RNF217: variants seen among roughly 807,000 people sequenced by gnomAD.
RNF217 encodes ring finger protein 217.
RNF217 carries 31 observed loss-of-function variants against 57.8 expected under a neutral mutation model. The ratio of observed to expected loss-of-function variants is 0.54; its 90% CI spans 0.40 to 0.72. The LOEUF (loss-of-function observed/expected upper bound fraction) is 0.72, where lower values mean the gene tolerates loss of function less well. Among genes scored for constraint, RNF217 ranks in the 30% least tolerant of loss-of-function variants. RNF217 has a pLI of 0.00. For synonymous variants in RNF217, 313 were observed against 294.0 expected (o/e 1.06, Z -0.66); for missense variants, 696 against 708.3 (o/e 0.98, Z 0.20).
intron 2 of RNF217, chr6:125,048,338 T>A: frequency 1.7e-6 from 2 of 1,159,692 alleles, no homozygotes; most frequent in Non-Finnish European, 2.3e-6. Flanking sequence ...TTGGTGTCAT[T>A]TATGGTAACT....
Position 125,045,460 on chromosome 6 carries a change from A to G in RNF217, c.1116+16A>G, listed in dbSNP as rs377368734. The G allele has an allele frequency of 6.3e-7, 1 of 1,595,592 alleles. No individual in the cohort carries two copies. Among genetic ancestry groups the G allele is most frequent in the African/African-American group, 1.3e-5 (1 of 74,364 alleles). On this transcript the variant is annotated intron_variant, in intron 2 of 5. Coordinates refer to ENST00000521654, the MANE Select transcript of RNF217 (RefSeq NM_001286398.3). ...CAAATACAAAGTAAGCATTTTCACC[A>G]GAGCTGTGGGTTAGATGTCACATGG...
chr6:124,984,439 C>T (rs1784296677), intron 1 of RNF217, among the ~76,000 whole-genome samples: 1 of 150,796 alleles, frequency 6.6e-6, no homozygotes, highest in Admixed American at 6.6e-5. Flanking sequence ...TCCCAGCTAC[C>T]AGGGAGACTT....
intron 1 of RNF217, among the ~76,000 whole-genome samples, chr6:125,016,358 A>AT (rs1785602122): frequency 6.6e-6 from 1 of 152,142 alleles, no homozygotes; most frequent in Admixed American, 6.5e-5. Context: ...TTGTCAATAG[A>AT]TTTTTTAAAA....
At chr6:125,029,299 A>C (rs1786245528) in intron 1 of RNF217, among the ~76,000 whole-genome samples, 1 of 152,172 alleles carries the variant, frequency 6.6e-6, no homozygotes, top group Non-Finnish European at 1.5e-5. Flanking sequence ...AGCTTTTTAA[A>C]AACATATATA....
rs781260447 is a variant in RNF217, at chr6:125,082,911, C to G, written c.1603C>G (p.Arg535Gly). 1 of 1,604,346 alleles carries G rather than the reference C, an allele frequency of 6.2e-7. No individual in the cohort carries two copies. The highest frequency in any genetic ancestry group is 8.5e-7 in the Non-Finnish European group (1 of 1,177,062). ...IYCLCKKQRK[R>G]SRTGMHW ...TTGCCTTTGTAAAAAACAGAGAAAA[C>G]GATCACGGACAGGTATGCACTGGTA... Residue 535 changes from arginine to glycine, a missense_variant, in exon 6 of 6, where the codon CGA becomes GGA. Arg to Gly is a moderately radical substitution (Grantham distance 125). Around this residue, in one of 2 missense-constraint regions of RNF217, gnomAD observed 231 missense variants for 321.4 expected, o/e 0.72. Coordinates refer to ENST00000521654, the MANE Select transcript of RNF217 (RefSeq NM_001286398.3).
At chr6:125,040,938 A>G (rs138798715) in intron 1 of RNF217, among the ~76,000 whole-genome samples, 503 of 152,242 alleles carry the variant, frequency 3.3e-3, no homozygotes, top group African/African-American at 0.011. Flanking sequence ...TTGATGGAAT[A>G]TATCTCAAAA....
At chr6:125,063,385 A>G (rs1787815965) in intron 3 of RNF217, among the ~76,000 whole-genome samples, 1 of 152,186 alleles carries the variant, frequency 6.6e-6, no homozygotes, top group Admixed American at 6.5e-5. Context: ...ACAGGAAGTT[A>G]CTTTTATGTT....
chr6:125,029,231 C>T (rs1226434100), intron 1 of RNF217, among the ~76,000 whole-genome samples: 4 of 152,168 alleles, frequency 2.6e-5, no homozygotes, highest in South Asian at 2.1e-4. Context: ...CACTTATACC[C>T]CTAGAATGAG....
At chr6:124,967,585 A>G (rs1039307658) in intron 1 of RNF217, among the ~76,000 whole-genome samples, 4 of 152,344 alleles carry the variant, frequency 2.6e-5, no homozygotes, top group South Asian at 2.1e-4. Flanking sequence ...ACACCTGTCC[A>G]ATGAGTATTA....
At chr6:124,980,311 C>T (rs1784116587) in intron 1 of RNF217, among the ~76,000 whole-genome samples, 1 of 152,074 alleles carries the variant, frequency 6.6e-6, no homozygotes, top group Non-Finnish European at 1.5e-5. Context: ...TTCAGTCTTT[C>T]GTTAATTTGA....
intron 3 of RNF217, among the ~76,000 whole-genome samples, chr6:125,068,022 C>T (rs909848494): frequency 6.6e-6 from 1 of 152,122 alleles, no homozygotes; most frequent in African/African-American, 2.4e-5. Flanking sequence ...AAATTTAAAA[C>T]ATGTTCATTA....
At chr6:124,983,416 A>G in intron 1 of RNF217, 1 of 984,980 alleles carries the variant, frequency 1.0e-6, no homozygotes, top group Non-Finnish European at 1.2e-6. Flanking sequence ...TAGAGAGTGA[A>G]ATATGGTCAG....
chr6:124,997,168 A>T (rs1582687398), intron 1 of RNF217, among the ~76,000 whole-genome samples: 1 of 152,202 alleles, frequency 6.6e-6, no homozygotes, highest in Non-Finnish European at 1.5e-5. Flanking sequence ...AGGCATAGAA[A>T]AGAGAATCCT....
chr6:124,973,640 T>C (rs1024790979), intron 1 of RNF217, among the ~76,000 whole-genome samples: 6 of 152,208 alleles, frequency 3.9e-5, no homozygotes, highest in African/African-American at 1.4e-4. Context: ...AATTCATTTA[T>C]TTAGATTGGT....
chr6:124,988,411 C>T (rs1257829588), intron 1 of RNF217, among the ~76,000 whole-genome samples: 1 of 152,200 alleles, frequency 6.6e-6, no homozygotes, highest in Non-Finnish European at 1.5e-5. Flanking sequence ...TCAGGATATT[C>T]AGCTTCTACT....
At chr6:125,077,284 A>T (rs1788413102) in intron 4 of RNF217, among the ~76,000 whole-genome samples, 1 of 152,132 alleles carries the variant, frequency 6.6e-6, no homozygotes, top group Non-Finnish European at 1.5e-5. Flanking sequence ...CAGGGGAAAA[A>T]ATCTACCTTT....
chr6:124,981,414 T>C (rs1048786124), intron 1 of RNF217, among the ~76,000 whole-genome samples: 4 of 152,136 alleles, frequency 2.6e-5, no homozygotes, highest in African/African-American at 9.7e-5. Context: ...TTTATACATT[T>C]TAGGAAGACA....
intron 1 of RNF217, among the ~76,000 whole-genome samples, chr6:125,010,703 G>A (rs908134789): frequency 2.0e-5 from 3 of 152,108 alleles, no homozygotes; most frequent in African/African-American, 7.2e-5. Flanking sequence ...TTTACAGAAA[G>A]GGTACTTTTT....
chr6:125,041,273 A>G (rs188716061), intron 1 of RNF217, among the ~76,000 whole-genome samples: 1 of 152,212 alleles, frequency 6.6e-6, no homozygotes, highest in East Asian at 1.9e-4. Context: ...TCAGTCATCT[A>G]TCATCTACTG....
Sources: allele counts gnomAD v4.1 joint callset (sites outside exome capture counted in the v4.1 genomes callset), GRCh38; gene constraint gnomAD v4.1.1; regional missense constraint gnomAD v4.1.1; transcripts MANE v1.5; gene names NCBI Gene and HGNC (gene_info 2026-07-23, HGNC 2026-07-21).